UBR1: variants seen among roughly 807,000 people sequenced by gnomAD.
UBR1 encodes E3 ubiquitin-protein ligase UBR1.
UBR1 carries 102 observed loss-of-function variants against 242.1 expected under a neutral mutation model. That is an observed-to-expected ratio of 0.42 (90% CI 0.36 to 0.50). UBR1 has a LOEUF of 0.50. Ranked by LOEUF, UBR1 falls within the 20% of genes least tolerant of loss-of-function variation. The pLI, the probability that UBR1 is intolerant of heterozygous loss-of-function variation, is 0.01. For missense variants in UBR1, 1,772 were observed against 2,101.8 expected (o/e 0.84, Z 3.07); for synonymous variants, 675 against 684.8 (o/e 0.99, Z 0.22).
At chr15:42,952,799 T>G (rs572884891) in intron 44 of UBR1, among the ~76,000 whole-genome samples, 10 of 152,340 alleles carry the variant, frequency 6.6e-5, no homozygotes, top group African/African-American at 2.4e-4. Flanking sequence ...CTGCCTCCTC[T>G]GTATTGTGTT....
intron 29 of UBR1, among the ~76,000 whole-genome samples, chr15:43,013,185 G>A (rs949782560): frequency 6.6e-6 from 1 of 152,172 alleles, no homozygotes; most frequent in Non-Finnish European, 1.5e-5. Flanking sequence ...GATTACAGAG[G>A]TTAGCCACTG....
intron 19 of UBR1, 73 bp downstream of exon 19, chr15:43,036,105 T>C: frequency 1.5e-6 from 2 of 1,324,870 alleles, no homozygotes; most frequent in Non-Finnish European, 2.2e-6. Context: ...TAAATATGAC[T>C]GAAATAAAAT....
chr15:42,997,605 T>C (rs1315407227), intron 33 of UBR1, among the ~76,000 whole-genome samples: 4 of 152,218 alleles, frequency 2.6e-5, no homozygotes, highest in Admixed American at 6.5e-5. Context: ...GTAAAGAATA[T>C]GTAAATAAGA....
At chr15:43,061,087 A>AC (rs2033678382) in intron 6 of UBR1, among the ~76,000 whole-genome samples, 1 of 152,174 alleles carries the variant, frequency 6.6e-6, no homozygotes, top group African/African-American at 2.4e-5. Flanking sequence ...ATCTCAACAA[A>AC]CAGGGGGAGG....
At chr15:43,011,124 T>C (rs1445383299) in intron 29 of UBR1, among the ~76,000 whole-genome samples, 1 of 151,872 alleles carries the variant, frequency 6.6e-6, no homozygotes, top group African/African-American at 2.4e-5. Flanking sequence ...TGTGTCATAA[T>C]TATGCCTGTG....
intron 27 of UBR1, among the ~76,000 whole-genome samples, chr15:43,019,820 G>A (rs2033082123): frequency 6.7e-6 from 1 of 149,322 alleles, no homozygotes; most frequent in Admixed American, 6.7e-5. Flanking sequence ...TGGCCAGGCT[G>A]GTCTTGAACT....
intron 29 of UBR1, 32 bp downstream of exon 29, chr15:43,015,656 G>T: frequency 6.2e-7 from 1 of 1,602,758 alleles, no homozygotes; most frequent in South Asian, 1.1e-5. Flanking sequence ...AAAAAAAATT[G>T]AGTTGGTAAT....
At chr15:43,006,308 G>A (rs1168270408) in intron 30 of UBR1, among the ~76,000 whole-genome samples, 8 of 152,120 alleles carry the variant, frequency 5.3e-5, no homozygotes, top group African/African-American at 1.9e-4. Context: ...CACTTAACAA[G>A]TGCCTGGCAA....
chr15:43,074,297 T>C (rs570793579), intron 4 of UBR1, among the ~76,000 whole-genome samples: 67 of 152,352 alleles, frequency 4.4e-4, no homozygotes, highest in Non-Finnish European at 6.9e-4. Context: ...GATATATCTA[T>C]GTAATCTAAT....
intron 10 of UBR1, among the ~76,000 whole-genome samples, chr15:43,057,862 ACTAGCAAATAACATTTGTG>A (rs1440309100): frequency 1.3e-5 from 2 of 152,028 alleles, no homozygotes; most frequent in East Asian, 3.8e-4. Flanking sequence ...CTGTTTCTAT[ACTAGCAAATAACATTTGTG>A]AAAATATTTA....
At chr15:43,059,216 G>C in intron 8 of UBR1, 24 bp from the exon 9 acceptor site, 1 of 1,586,240 alleles carries the variant, frequency 6.3e-7, no homozygotes, top group Non-Finnish European at 8.7e-7. Flanking sequence ...AGGTCACACA[G>C]TTACACAACT....
intron 5 of UBR1, 76 bp from the exon 6 acceptor site, chr15:43,068,112 A>C: frequency 9.8e-7 from 1 of 1,022,896 alleles, no homozygotes; most frequent in Non-Finnish European, 1.4e-6. Flanking sequence ...AAAAAAGACA[A>C]AATTAATACA....
chr15:42,996,375 T>C (rs752979701), intron 33 of UBR1, among the ~76,000 whole-genome samples: 1 of 152,104 alleles, frequency 6.6e-6, no homozygotes, highest in African/African-American at 2.4e-5. Flanking sequence ...GGTAGGAGGA[T>C]TGCTTGAGTC....
chr15:43,005,403 G>A lies in UBR1; in HGVS notation c.3416-1473C>T, dbSNP rs534527223. On this transcript the variant is annotated intron_variant, in intron 30 of 46. Coordinates refer to ENST00000290650, the MANE Select transcript of UBR1 (RefSeq NM_174916.3). The stretch of plus-strand genomic sequence containing the variant: ...AGGGGCAGCCCCCGCCCGGCCAGCC[G>A]CCCTGTCTTGGAGGGAGGTGGGGGG... 1.1e-3 allele frequency among the ~76,000 whole-genome samples: 162 copies of A among 148,634 alleles called. 1 individual carries two copies. The highest frequency in any genetic ancestry group is 2.8e-3 in the South Asian group (13 of 4,656).
At chr15:43,100,710 C>T (rs1440267659) in intron 1 of UBR1, among the ~76,000 whole-genome samples, 1 of 152,186 alleles carries the variant, frequency 6.6e-6, no homozygotes, top group East Asian at 1.9e-4. Flanking sequence ...TGGCATGCCC[C>T]TGTAGTCCCA....
intron 44 of UBR1, among the ~76,000 whole-genome samples, chr15:42,957,025 TC>T (rs1467397523): frequency 6.6e-6 from 1 of 152,140 alleles, no homozygotes; most frequent in African/African-American, 2.4e-5. Context: ...TGGGCATACA[TC>T]CAAAAGAAAT....
intron 15 of UBR1, among the ~76,000 whole-genome samples, chr15:43,039,283 T>C (rs1048675073): frequency 6.6e-6 from 1 of 152,156 alleles, no homozygotes; most frequent in African/African-American, 2.4e-5. Context: ...GCTTCATAAC[T>C]TTAGATTTGA....
chr15:42,992,846 C>CT (rs887442088), intron 33 of UBR1, among the ~76,000 whole-genome samples: 1 of 152,204 alleles, frequency 6.6e-6, no homozygotes, highest in Non-Finnish European at 1.5e-5. Context: ...TGCGGATGCC[C>CT]TTGGCGTGAA....
intron 32 of UBR1, among the ~76,000 whole-genome samples, chr15:43,000,003 G>T (rs563519595): frequency 1.8e-4 from 28 of 152,148 alleles, no homozygotes; most frequent in Non-Finnish European, 3.7e-4. Context: ...AATGTACTAT[G>T]ACTGGTTATA....
Sources: gnomAD v4.1 joint callset for allele counts (sites outside exome capture counted in the v4.1 genomes callset) on GRCh38, gnomAD v4.1.1 for gene constraint, MANE v1.5 for transcripts, NCBI Gene and HGNC (gene_info 2026-07-23, HGNC 2026-07-21) for gene names.